The following POLK variants were observed in gnomAD, a reference collection of about 807,000 sequenced individuals.
POLK encodes the protein DNA polymerase kappa.
Under a neutral mutation model 94.0 loss-of-function variants are expected in POLK, and 76 were observed. The observed-to-expected ratio is 0.81, with a 90% CI of 0.67 to 0.98. The LOEUF is 0.98. POLK is among the 50% of genes least tolerant of loss of function. POLK has a pLI of 0.00. For synonymous variants in POLK, 349 were observed against 325.4 expected (o/e 1.07, Z -0.78); for missense variants, 954 against 1,010.1 (o/e 0.94, Z 0.75).
intron 5 of POLK, among the ~76,000 whole-genome samples, chr5:75,574,366 G>A (rs1164728552): frequency 6.6e-6 from 1 of 152,106 alleles, no homozygotes; most frequent in African/African-American, 2.4e-5. Context: ...TAATTGAAAA[G>A]GGAGTAATCC....
intron 1 of POLK, among the ~76,000 whole-genome samples, chr5:75,518,944 A>T (rs540016011): frequency 1.0e-3 from 153 of 152,284 alleles, no homozygotes; most frequent in African/African-American, 3.4e-3. Flanking sequence ...TCCTTGGTTC[A>T]GGTGATGCTC....
intron 10 of POLK, among the ~76,000 whole-genome samples, chr5:75,588,894 C>T (rs1052381454): frequency 7.9e-5 from 12 of 152,250 alleles, no homozygotes; most frequent in African/African-American, 2.4e-4. Context: ...AATCTCTGTC[C>T]GTCAGAATTT....
At chr5:75,596,716 G>C in exon 13 of POLK, 3 of 1,613,806 alleles carry the variant, frequency 1.9e-6, no homozygotes, top group South Asian at 2.2e-5. Context: ...GAAAGAAAAT[G>C]TTCCTGCTTC....
At chr5:75,576,580 TG>T (rs938452420) in intron 5 of POLK, among the ~76,000 whole-genome samples, 199 bp from the exon 6 acceptor site, 34 of 152,308 alleles carry the variant, frequency 2.2e-4, no homozygotes, top group African/African-American at 7.2e-4. Flanking sequence ...TCTGCCTTCA[TG>T]GTCTATTTTA....
chr5:75,580,592 TCA>T, intron 6 of POLK: 1 of 817,620 alleles, frequency 1.2e-6, no homozygotes, highest in Non-Finnish European at 1.5e-6. Flanking sequence ...AGCATAACTT[TCA>T]CAGGTAATTT....
the POLK span, chr5:75,608,919 G>A: frequency 6.6e-6 from 1 of 152,188 alleles, no homozygotes; most frequent in African/African-American, 2.4e-5. Context: ...TTAATATTCT[G>A]CTTGAGAACT....
chr5:75,533,547 G>A (rs1339543368), intron 1 of POLK, among the ~76,000 whole-genome samples: 1 of 152,122 alleles, frequency 6.6e-6, no homozygotes, highest in African/African-American at 2.4e-5. Context: ...TTTTTGCTTA[G>A]GGTTACCTTG....
intron 2 of POLK, among the ~76,000 whole-genome samples, chr5:75,548,864 A>G (rs1770189557): frequency 6.6e-6 from 1 of 152,096 alleles, no homozygotes; most frequent in Non-Finnish European, 1.5e-5. Flanking sequence ...CTATTTTTTC[A>G]GCTTTTGCAG....
At chr5:75,537,561 G>T (rs182221803) in intron 1 of POLK, among the ~76,000 whole-genome samples, 1 of 152,172 alleles carries the variant, frequency 6.6e-6, no homozygotes, top group African/African-American at 2.4e-5. Flanking sequence ...AGAGCAATGC[G>T]CATGAGCTGC....
At chr5:75,570,178 T>A (rs1771516933) in intron 4 of POLK, among the ~76,000 whole-genome samples, 1 of 152,194 alleles carries the variant, frequency 6.6e-6, no homozygotes, top group South Asian at 2.1e-4. Context: ...ACTGCTGCTT[T>A]AAGGTACTAG....
At chr5:75,563,260 C>T (rs903919468) in intron 3 of POLK, among the ~76,000 whole-genome samples, 1 of 152,068 alleles carries the variant, frequency 6.6e-6, no homozygotes, top group Admixed American at 6.6e-5. Flanking sequence ...CTGTATCTGG[C>T]TGTGAATCTG....
exon 5 of POLK, chr5:75,573,795 A>G (rs1220807219): frequency 1.2e-6 from 2 of 1,613,164 alleles, no homozygotes; most frequent in Admixed American, 3.3e-5. Flanking sequence ...GCCAGGATTT[A>G]TTGCTAAGAG....
intron 3 of POLK, among the ~76,000 whole-genome samples, chr5:75,561,784 T>G (rs1770993846): frequency 6.6e-6 from 1 of 152,220 alleles, no homozygotes; most frequent in Non-Finnish European, 1.5e-5. Context: ...CATTGCTTGT[T>G]TTTGTCAGGT....
Position 75,529,555 on chromosome 5 carries a change from T to G in POLK, c.-13-17455T>G, listed in dbSNP as rs181727443. On this transcript the variant is annotated intron_variant, in intron 1 of 14. Transcript: ENST00000241436. The stretch of plus-strand genomic sequence containing the variant: ...ACATAGTATATGCTATACAAATAGT[T>G]GTAAATGCTGTATAAATAGTTGTTA... Among the ~76,000 whole-genome samples the G allele has an allele frequency of 3.2e-4, 49 of 152,300 alleles. No homozygotes were observed. In the East Asian group the frequency reaches 9.1e-3, roughly 28 times the overall value.
upstream of POLK, chr5:75,511,713 C>G (rs1768018115): frequency 6.5e-7 from 1 of 1,546,310 alleles, no homozygotes; most frequent in Admixed American, 2.0e-5. Flanking sequence ...CTCCCGGCGT[C>G]TGACGCGACA....
chr5:75,573,897 G>T (rs1269577957), intron 5 of POLK, 28 bp downstream of exon 5: 2 of 1,610,310 alleles, frequency 1.2e-6, no homozygotes, highest in Non-Finnish European at 1.7e-6. Context: ...CCCTACTTTA[G>T]GCTTTCACTG....
chr5:75,553,469 A>AT (rs769877598), intron 3 of POLK, among the ~76,000 whole-genome samples: 150 of 152,264 alleles, frequency 9.9e-4, no homozygotes, highest in Non-Finnish European at 1.8e-3. Flanking sequence ...ACAATGTGTG[A>AT]TTTTTTGATA....
chr5:75,534,347 A>G (rs1350598324), intron 1 of POLK, among the ~76,000 whole-genome samples: 1 of 151,588 alleles, frequency 6.6e-6, no homozygotes, highest in African/African-American at 2.4e-5. Context: ...ACAGGGATAG[A>G]CTGACTTGGA....
chr5:75,573,964 C>A, intron 5 of POLK, 95 bp downstream of exon 5: 3 of 1,237,772 alleles, frequency 2.4e-6, no homozygotes, highest in South Asian at 2.6e-5. Flanking sequence ...AGGATTTGGT[C>A]TTAGCTTATC....
Sources: gnomAD v4.1 joint callset for allele counts (sites outside exome capture counted in the v4.1 genomes callset) on GRCh38, gnomAD v4.1.1 for gene constraint, MANE v1.5 for transcripts, NCBI Gene and HGNC (gene_info 2026-07-23, HGNC 2026-07-21) for gene names.